Variants in KLF8 observed in about 807,000 individuals in gnomAD.
KLF8 encodes the protein Krueppel-like factor 8.
KLF8 carries 10 observed loss-of-function variants against 18.2 expected under a neutral mutation model. That is an observed-to-expected ratio of 0.55 (90% confidence interval 0.34 to 0.93). The LOEUF (loss-of-function observed/expected upper bound fraction) is 0.93, where lower values mean the gene tolerates loss of function less well. KLF8 is among the 40% of genes least tolerant of loss of function. The pLI is 0.02. For missense variants in KLF8, 264 were observed against 277.9 expected (o/e 0.95, Z 0.36); for synonymous variants, 109 against 97.3 (o/e 1.12, Z -0.71).
At chrX:56,179,044 GA>G in the KLF8 span, among the ~76,000 whole-genome samples, 8 of 111,827 alleles carry the variant, frequency 7.2e-5, no homozygotes, top group East Asian at 2.2e-3. Context: ...GCTTGATGGG[GA>G]TGGCATTGAA....
At chrX:56,095,772 G>T in the KLF8 span, among the ~76,000 whole-genome samples, 1 of 110,927 alleles carries the variant, frequency 9.0e-6, no homozygotes, top group African/African-American at 3.3e-5. Flanking sequence ...CACCAATCAG[G>T]ATGGCTATCA....
chrX:56,046,410 T>C, the KLF8 span, among the ~76,000 whole-genome samples: 1 of 111,569 alleles, frequency 9.0e-6, no homozygotes, highest in Non-Finnish European at 1.9e-5. Context: ...ACATTCAATG[T>C]TAGTATTGAG....
the KLF8 span, among the ~76,000 whole-genome samples, chrX:56,008,273 T>G: frequency 3.5e-5 from 3 of 85,085 alleles, no homozygotes; most frequent in Admixed American, 1.3e-4. Flanking sequence ...GGTAGGAGGC[T>G]CCCACTGAGA....
the KLF8 span, among the ~76,000 whole-genome samples, chrX:56,151,243 G>T: frequency 9.0e-6 from 1 of 111,344 alleles, no homozygotes; most frequent in African/African-American, 3.3e-5. Context: ...CCATTCGAAA[G>T]GTTTAAGTAA....
At chrX:55,940,726 C>T in the KLF8 span, among the ~76,000 whole-genome samples, 1 of 111,606 alleles carries the variant, frequency 9.0e-6, no homozygotes, top group East Asian at 2.8e-4. Context: ...CATTCTTATA[C>T]ACCAGTAACA....
the KLF8 span, among the ~76,000 whole-genome samples, chrX:56,058,477 T>C: frequency 9.7e-6 from 1 of 102,646 alleles, no homozygotes; most frequent in South Asian, 4.6e-4. Flanking sequence ...CTCCTAATGC[T>C]CTCTCTCCCC....
chrX:56,207,442 C>T, the KLF8 span, among the ~76,000 whole-genome samples: 117 of 112,051 alleles, frequency 1.0e-3, no homozygotes, highest in Middle Eastern at 9.3e-3. Context: ...GTACTGAAGT[C>T]GCATCTTGAA....
chrX:56,163,322 C>T, the KLF8 span, among the ~76,000 whole-genome samples: 2 of 111,653 alleles, frequency 1.8e-5, no homozygotes, highest in East Asian at 5.6e-4. Context: ...CTGTGGTTTT[C>T]ATTTGCATTT....
chrX:56,256,981 G>T (rs1390840957), intron 2 of KLF8, among the ~76,000 whole-genome samples: 1 of 112,100 alleles, frequency 8.9e-6, no homozygotes, highest in African/African-American at 3.2e-5. Context: ...GGGATTACAG[G>T]CGTGAGCCAC....
intron 2 of KLF8, among the ~76,000 whole-genome samples, chrX:56,251,072 G>A (rs1399269078): frequency 8.9e-6 from 1 of 112,614 alleles, no homozygotes; most frequent in Admixed American, 9.4e-5. Flanking sequence ...AAATATCTGG[G>A]CACTGTAGCC....
At chrX:55,974,439 T>A in the KLF8 span, among the ~76,000 whole-genome samples, 1 of 111,759 alleles carries the variant, frequency 8.9e-6, no homozygotes, top group Non-Finnish European at 1.9e-5. Context: ...AGTATGAGGA[T>A]CCAATAATAA....
the KLF8 span, among the ~76,000 whole-genome samples, chrX:56,084,538 T>C: frequency 8.9e-6 from 1 of 112,225 alleles, no homozygotes; most frequent in East Asian, 2.8e-4. Context: ...TCAAAACATA[T>C]AATTTTAAGA....
At chrX:56,270,347 A>ACCACACACACACACACAC in intron 5 of KLF8, 26 bp downstream of exon 5, 1 of 661,763 alleles carries the variant, frequency 1.5e-6, no homozygotes. Context: ...TCTCACCCCC[A>ACCACACACACACACACAC]ACACACACAC....
the KLF8 span, among the ~76,000 whole-genome samples, chrX:56,060,142 C>G: frequency 5.9e-4 from 66 of 111,616 alleles, no homozygotes; most frequent in South Asian, 3.0e-3. Flanking sequence ...AAGAGACAAT[C>G]TGACTTCCTC....
At chrX:56,270,399 AG>A in intron 5 of KLF8, 78 bp downstream of exon 5, 1 of 967,455 alleles carries the variant, frequency 1.0e-6, no homozygotes, top group Non-Finnish European at 1.3e-6. Flanking sequence ...AGAGAGAGAG[AG>A]GGGCAGAGAG....
At chrX:56,266,173 C>T (rs1197624761) in intron 3 of KLF8, 79 of 757,369 alleles carry the variant, frequency 1.0e-4, no homozygotes, top group Non-Finnish European at 1.2e-4. Flanking sequence ...TATTTTATGC[C>T]ATTCAGAATG....
chrX:56,199,781 C>T, the KLF8 span, among the ~76,000 whole-genome samples: 2 of 111,422 alleles, frequency 1.8e-5, no homozygotes, highest in South Asian at 3.7e-4. Context: ...CACATGCACA[C>T]GTATGTTTAT....
At chrX:56,221,567 G>A in the KLF8 span, among the ~76,000 whole-genome samples, 2 of 111,009 alleles carry the variant, frequency 1.8e-5, no homozygotes, top group Admixed American at 9.6e-5. Flanking sequence ...GAATGTGTTC[G>A]GAGTTTCTTC....
At chrX:55,956,129 T>TTATCTATCTATC in the KLF8 span, among the ~76,000 whole-genome samples, 82 of 95,499 alleles carry the variant, frequency 8.6e-4, no homozygotes, top group Non-Finnish European at 1.3e-3. Flanking sequence ...ATCTATCTAT[T>TTATCTATCTATC]TATCTATCTA....
Sources: gnomAD v4.1 joint callset for allele counts (sites outside exome capture counted in the v4.1 genomes callset) on GRCh38, gnomAD v4.1.1 for gene constraint, MANE v1.5 for transcripts, NCBI Gene and HGNC (gene_info 2026-07-23, HGNC 2026-07-21) for gene names.